The following PRR5 variants were observed in gnomAD, a reference collection of about 807,000 sequenced individuals.
PRR5 encodes proline rich 5, also known as proline-rich protein 5.
Under a neutral mutation model 30.6 loss-of-function variants are expected in PRR5, and 25 were observed. The observed-to-expected ratio is 0.82, with a 90% CI of 0.60 to 1.14. PRR5 has a LOEUF of 1.14. Ranked by LOEUF, PRR5 falls within the 50% of genes most tolerant of loss-of-function variation. The pLI, the probability that PRR5 is intolerant of heterozygous loss-of-function variation, is 0.00. For missense variants in PRR5, 600 were observed against 547.1 expected (o/e 1.10, Z -0.96); for synonymous variants, 286 against 247.1 (o/e 1.16, Z -1.48).
chr22:44,717,254 C>T (rs1217246440), intron 2 of PRR5, among the ~76,000 whole-genome samples: 6 of 134,402 alleles, frequency 4.5e-5, no homozygotes, highest in African/African-American at 8.5e-5. Flanking sequence ...TGCAGTGGTG[C>T]GATCTCAGCT....
intron 1 of PRR5, among the ~76,000 whole-genome samples, chr22:44,687,973 C>A (rs992779749): frequency 6.7e-6 from 1 of 150,178 alleles, no homozygotes; most frequent in Non-Finnish European, 1.5e-5. Flanking sequence ...CGGGGTTTCA[C>A]CCTGTTGGTC....
upstream of PRR5, among the ~76,000 whole-genome samples, chr22:44,672,715 C>T (rs144211715): frequency 4.7e-4 from 71 of 152,356 alleles, no homozygotes; most frequent in African/African-American, 1.6e-3. Flanking sequence ...TGCCTGCCAT[C>T]CTCTGAGCTC....
At chr22:44,732,921 TGCGCACGCACATACTACACAC>T (rs1298474556) in intron 6 of PRR5, among the ~76,000 whole-genome samples, 1 of 145,900 alleles carries the variant, frequency 6.9e-6, no homozygotes, top group Non-Finnish European at 1.5e-5. Flanking sequence ...ACTACACACG[TGCGCACGCACATACTACACAC>T]GTGTGCACAC....
chr22:44,691,826 T>A lies in PRR5; in HGVS notation c.-10-10666T>A, dbSNP rs1925267678. Among the ~76,000 whole-genome samples, 1 of 151,238 alleles carries A rather than the reference T, an allele frequency of 6.6e-6. No individual in the cohort carries two copies. The highest frequency in any genetic ancestry group is 2.4e-5 in the African/African-American group (1 of 41,170). On this transcript the variant is annotated intron_variant, in intron 1 of 8. Coordinates refer to the PRR5 transcript ENST00000006251. This position sits in a 1 kb window ranked among gnomAD's most constrained non-coding sequence, Gnocchi z 4.4. The stretch of plus-strand genomic sequence containing the variant: ...CAAGTTTTTTCCAGATGAGGACTCC[T>A]TGGTAGCAGAAGTGGGGGCATGGCT...
chr22:44,675,582 G>A (rs1335150920), upstream of PRR5, among the ~76,000 whole-genome samples: 1 of 152,102 alleles, frequency 6.6e-6, no homozygotes, highest in Non-Finnish European at 1.5e-5. Context: ...GGAAAGCTGT[G>A]TGACCCCAGG....
chr22:44,684,722 G>A (rs546939648), intron 1 of PRR5, among the ~76,000 whole-genome samples: 1 of 152,260 alleles, frequency 6.6e-6, no homozygotes, highest in African/African-American at 2.4e-5. Flanking sequence ...GCAGACAGCG[G>A]GTGTGGGTGC....
rs1266343069 is a variant in PRR5 at position 44,691,295 on chromosome 22, A to G, written c.-10-11197A>G. The stretch of plus-strand genomic sequence containing the variant: ...GCCCCTCACCAGCCTGTGACCCTGC[A>G]GGTGACGTCAGGACTCAGAACCTCC... On this transcript the variant is annotated intron_variant, in intron 1 of 8. Transcript: ENST00000006251. The surrounding 1 kb of genome is among the most constrained non-coding windows in gnomAD (Gnocchi z 4.4). 6.6e-6 allele frequency among the ~76,000 whole-genome samples: 1 copy of G among 152,132 alleles called. No individual in the cohort carries two copies. The highest frequency in any genetic ancestry group is 2.1e-4 in the South Asian group (1 of 4,824).
upstream of PRR5, among the ~76,000 whole-genome samples, chr22:44,676,234 A>G (rs1261178291): frequency 4.0e-5 from 6 of 151,580 alleles, no homozygotes; most frequent in Admixed American, 3.9e-4. Context: ...AAGTACAAAA[A>G]AAATGAGTCA....
intron 1 of PRR5, among the ~76,000 whole-genome samples, chr22:44,696,170 C>G (rs1040337855): frequency 1.3e-5 from 2 of 151,960 alleles, no homozygotes. Context: ...GTGATCCACC[C>G]GCCTCAGCCT....
chr22:44,677,621 C>T (rs180996247), intron 1 of PRR5, among the ~76,000 whole-genome samples: 30 of 152,304 alleles, frequency 2.0e-4, no homozygotes, highest in African/African-American at 6.0e-4. Context: ...GCCCTGGCCA[C>T]GGGCCAGCGC....
In PRR5 at chr22:44,737,362, GC is replaced by G. The variant is rs1417037771; in HGVS notation, c.*117del. On this transcript the variant is annotated 3_prime_UTR_variant, in exon 8 of 8. Coordinates refer to ENST00000336985, the MANE Select transcript of PRR5 (RefSeq NM_181333.4). ...GCGTCCCGTCCCGCCAGCCCTATCG[GC>G]CTCGTCACTGGCCTTGGTCACTTTG... 6.9e-7 allele frequency: 1 copy of G among 1,438,930 alleles called. No individual in the cohort carries two copies. Among genetic ancestry groups the G allele is most frequent in the African/African-American group, 1.4e-5 (1 of 69,958 alleles). The allele number at this position is 1,438,930 out of a possible 1,614,324, so 89.1% of individuals were successfully genotyped here.
At chr22:44,736,508 G>A (rs982786293) in intron 7 of PRR5, among the ~76,000 whole-genome samples, 2 of 152,242 alleles carry the variant, frequency 1.3e-5, no homozygotes, top group Non-Finnish European at 2.9e-5. Context: ...GTCAAACAGA[G>A]GTCGCTGGCG....
intron 6 of PRR5, among the ~76,000 whole-genome samples, chr22:44,732,879 C>T (rs909210795): frequency 4.7e-5 from 7 of 148,804 alleles, no homozygotes; most frequent in Non-Finnish European, 1.0e-4. Flanking sequence ...ACACACTGCA[C>T]ACACACACCA....
chr22:44,728,471 G>A (rs112836423), intron 4 of PRR5, among the ~76,000 whole-genome samples: 1,756 of 152,348 alleles, frequency 0.012, 38 homozygotes, highest in African/African-American at 0.04. Flanking sequence ...ACACGGACCC[G>A]AGGGTGACAG....
chr22:44,731,577 A>G (rs1306742596), intron 4 of PRR5, 153 bp from the exon 5 acceptor site: 5 of 695,184 alleles, frequency 7.2e-6, no homozygotes, highest in East Asian at 2.7e-5. Context: ...AGAACAGCTG[A>G]GCTGTGGAGC....
intron 1 of PRR5, among the ~76,000 whole-genome samples, chr22:44,712,448 A>C (rs1157963382): frequency 6.6e-6 from 1 of 152,150 alleles, no homozygotes; most frequent in Non-Finnish European, 1.5e-5. Flanking sequence ...CAGCGAGGAC[A>C]GGGAGGATAG....
intron 4 of PRR5, chr22:44,729,667 G>T: frequency 1.0e-6 from 1 of 985,426 alleles, no homozygotes; most frequent in Non-Finnish European, 1.2e-6. Context: ...CCACAGAGGG[G>T]CCCCCACAGG....
At chr22:44,697,276 T>A (rs1309813770), upstream of PRR5, among the ~76,000 whole-genome samples, 7 of 152,172 alleles carry the variant, frequency 4.6e-5, no homozygotes, top group Non-Finnish European at 8.8e-5. Flanking sequence ...TGGCCCTGAC[T>A]CAGGAACCTC....
At chr22:44,728,540 C>T (rs79565892) in intron 4 of PRR5, among the ~76,000 whole-genome samples, 1,605 of 152,348 alleles carry the variant, frequency 0.011, 33 homozygotes, top group African/African-American at 0.037. Context: ...GTTCATTCCA[C>T]CTTGGCAGTC....
Sources: allele counts gnomAD v4.1 joint callset (sites outside exome capture counted in the v4.1 genomes callset), GRCh38; gene constraint gnomAD v4.1.1; non-coding constraint Gnocchi (gnomAD v3.1); transcripts MANE v1.5; gene names NCBI Gene and HGNC (gene_info 2026-07-23, HGNC 2026-07-21).